The following AKR1B15 variants were observed in gnomAD, a reference collection of about 807,000 sequenced individuals.
The protein encoded by AKR1B15 is estradiol 17-beta-dehydrogenase AKR1B15.
Under a neutral mutation model 38.5 loss-of-function variants are expected in AKR1B15, and 49 were observed. The ratio of observed to expected loss-of-function variants is 1.27; its 90% CI spans 1.01 to 1.62. The LOEUF (loss-of-function observed/expected upper bound fraction) is 1.62. Ranked by LOEUF, AKR1B15 falls within the 40% of genes most tolerant of loss-of-function variation. The pLI is 0.00. For synonymous variants in AKR1B15, 137 were observed against 135.5 expected (o/e 1.01, Z -0.08); for missense variants, 411 against 381.6 (o/e 1.08, Z -0.64).
rs1395560821 is a variant in AKR1B15 at position 134,579,544 on chromosome 7, T to G, written c.1030T>G (p.Tyr344Asp). 6.3e-7 allele frequency: 1 copy of G among 1,599,436 alleles called. No homozygotes were observed. Among genetic ancestry groups the G allele is most frequent in the East Asian group, 2.2e-5 (1 of 44,680 alleles). ...GGAGGACTTTCCCTTCGATGCAGAATATTGAGGTTGAATCTCCTGGTGAGA... is the reference window on the plus strand; with the variant it reads ...GGAGGACTTTCCCTTCGATGCAGAAGATTGAGGTTGAATCTCCTGGTGAGA... ...HLEDFPFDAE[Y>D] is the part of the protein sequence containing the mutation. Residue 344 changes from tyrosine to aspartate, a missense_variant, in exon 12 of 12, where the codon TAT becomes GAT. By Grantham distance (160) the Tyr-to-Asp change is radical (BLOSUM62 -3). Around this residue, in one of 3 missense-constraint regions of AKR1B15, gnomAD observed 133 missense variants for 120.3 expected, o/e 1.11. Coordinates refer to ENST00000457545, the MANE Select transcript of AKR1B15 (RefSeq NM_001080538.3).
chr7:134,577,898 T>C (rs17167934), intron 11 of AKR1B15, 112 bp downstream of exon 11: 54,027 of 1,251,264 alleles, frequency 0.043, 1,714 homozygotes, highest in African/African-American at 0.15. Flanking sequence ...TCAAATACTA[T>C]TTTGGGGCAG....
intron 3 of AKR1B15, 54 bp from the exon 4 acceptor site, chr7:134,568,104 C>T (rs1794581073): frequency 6.2e-7 from 1 of 1,601,336 alleles, no homozygotes; most frequent in South Asian, 1.1e-5. Flanking sequence ...ATGGCAAGGT[C>T]TCATCTCTTA....
intron 7 of AKR1B15, 64 bp from the exon 8 acceptor site, chr7:134,575,757 C>G (rs1794755421): frequency 6.3e-7 from 1 of 1,597,724 alleles, no homozygotes; most frequent in South Asian, 1.1e-5. Flanking sequence ...GTGTGTAGAA[C>G]TCCCTAGGAA....
At chr7:134,569,080 C>T (rs141708706) in intron 4 of AKR1B15, among the ~76,000 whole-genome samples, 182 of 152,332 alleles carry the variant, frequency 1.2e-3, no homozygotes, top group Admixed American at 2.9e-3. Context: ...AAAAGCTACA[C>T]GCAATTCCTG....
intron 1 of AKR1B15, among the ~76,000 whole-genome samples, chr7:134,556,520 T>G (rs1167586620): frequency 6.6e-6 from 1 of 152,198 alleles, no homozygotes; most frequent in Non-Finnish European, 1.5e-5. Context: ...TTCAGGCTAC[T>G]TGTAGTGAGT....
At chr7:134,562,878 CTT>C (rs766843521) in intron 2 of AKR1B15, among the ~76,000 whole-genome samples, 1 of 135,072 alleles carries the variant, frequency 7.4e-6, no homozygotes, top group Non-Finnish European at 1.6e-5. Flanking sequence ...TTCTTTCTTT[CTT>C]TCTTTCTTTC....
rs375475867 is a variant in AKR1B15, at chr7:134,575,351, A to G, written c.514-69A>G. 2.3e-5 allele frequency: 36 copies of G among 1,560,842 alleles called. No homozygotes were observed. In the East Asian group the frequency reaches 3.2e-4, roughly 14 times the overall value. On this transcript the variant is annotated intron_variant, in intron 6 of 11. Coordinates refer to ENST00000457545, the MANE Select transcript of AKR1B15 (RefSeq NM_001080538.3). Reference sequence around the variant, plus strand: ...CCTTTAGCAATTTCTGCCCCAGGGAAGACTAAGGCAAGCCAGGGTCCCTGT... The same window carrying G: ...CCTTTAGCAATTTCTGCCCCAGGGAGGACTAAGGCAAGCCAGGGTCCCTGT...
chr7:134,572,704 T>G (rs1794691758), intron 6 of AKR1B15, among the ~76,000 whole-genome samples: 1 of 152,044 alleles, frequency 6.6e-6, no homozygotes, highest in African/African-American at 2.4e-5. Flanking sequence ...CCATGACCTG[T>G]TTCACATCAT....
At chr7:134,575,257 A>T (rs926720586) in intron 6 of AKR1B15, among the ~76,000 whole-genome samples, 163 bp from the exon 7 acceptor site, 1 of 152,110 alleles carries the variant, frequency 6.6e-6, no homozygotes, top group African/African-American at 2.4e-5. Flanking sequence ...GGAACCAATC[A>T]CTGATGGGCA....
At chr7:134,549,588 T>C (rs920914892) in intron 1 of AKR1B15, among the ~76,000 whole-genome samples, 1 of 152,076 alleles carries the variant, frequency 6.6e-6, no homozygotes, top group Non-Finnish European at 1.5e-5. Flanking sequence ...TGTGGTTCCG[T>C]GGTGACCTCA....
Position 134,560,137 on chromosome 7 carries a change from C to G in AKR1B15, c.-23+3278C>G, listed in dbSNP as rs114908395. Among the ~76,000 whole-genome samples, 718 of 152,062 alleles carry G rather than the reference C, an allele frequency of 4.7e-3. 5 individuals are homozygous for G. The highest frequency in any genetic ancestry group is 0.016 in the African/African-American group (668 of 41,480). ...AAAAAAAAAACTATTAGCGAAAATT[C>G]CTTGTAACAAATCCCCTCAAGAGGT... On this transcript the variant is annotated intron_variant, in intron 2 of 11. Transcript: ENST00000457545.
At chr7:134,565,999 G>A (rs924910257) in intron 3 of AKR1B15, among the ~76,000 whole-genome samples, 1 of 152,160 alleles carries the variant, frequency 6.6e-6, no homozygotes, top group African/African-American at 2.4e-5. Context: ...GAGCTTGTTA[G>A]ACATGCAGAA....
At chr7:134,553,207 G>A (rs566889688) in intron 1 of AKR1B15, among the ~76,000 whole-genome samples, 35 of 152,262 alleles carry the variant, frequency 2.3e-4, no homozygotes, top group Admixed American at 8.5e-4. Flanking sequence ...GGATATGGTC[G>A]CCTATAGATA....
intron 7 of AKR1B15, 25 bp downstream of exon 7, chr7:134,575,567 A>T (rs550698469): frequency 6.2e-7 from 1 of 1,613,320 alleles, no homozygotes; most frequent in African/African-American, 1.3e-5. Flanking sequence ...GTTTAAGGGT[A>T]AGGGTCCTGC....
intron 1 of AKR1B15, among the ~76,000 whole-genome samples, chr7:134,553,945 C>T (rs549204259): frequency 6.6e-6 from 1 of 152,288 alleles, no homozygotes; most frequent in South Asian, 2.1e-4. Context: ...CCGGCAGGTA[C>T]CTTGGCACAG....
At position 134,568,261 on chromosome 7, in the gene AKR1B15, A is replaced by G. The variant is rs766128986; in HGVS notation, c.254A>G (p.Glu85Gly). ...YFYENQHEVG[E>G]AIQEKIQEKA... Reference sequence around the variant, plus strand: ...TATGAGAATCAACATGAGGTGGGAGAAGCCATCCAAGAGAAGATCCAAGAG... The same window carrying G: ...TATGAGAATCAACATGAGGTGGGAGGAGCCATCCAAGAGAAGATCCAAGAG... Residue 85 changes from glutamate (E) to glycine (G), a missense_variant, in exon 4 of 12, where the codon GAA (glutamate) becomes GGA (glycine). Physicochemically the swap from Glu to Gly is moderately conservative, Grantham distance 98 (BLOSUM62 -2). Transcript: ENST00000457545. 2.4e-5 allele frequency: 38 copies of G among 1,614,090 alleles called. No homozygotes were observed. Among genetic ancestry groups the G allele is most frequent in the Non-Finnish European group, 3.1e-5 (37 of 1,179,992 alleles).
intron 2 of AKR1B15, among the ~76,000 whole-genome samples, chr7:134,560,903 A>G (rs1232790595): frequency 2.0e-5 from 3 of 152,206 alleles, no homozygotes; most frequent in Non-Finnish European, 4.4e-5. Context: ...TGATCTTTGG[A>G]GCCAAGGCTA....
rs1794493296 is a variant in AKR1B15 at position 134,564,702 on chromosome 7, C to T, written c.83C>T (p.Thr28Ile). The T allele has an allele frequency of 1.4e-6, 1 of 698,902 alleles. No homozygotes were observed. The highest frequency in any genetic ancestry group is 2.6e-6 in the Non-Finnish European group (1 of 383,868). 43.3% of individuals were successfully genotyped at this position (698,902 alleles called of 1,614,324 possible). The change falls in exon 3 of 12, where the codon ACT (threonine) becomes ATT (isoleucine). Residue 28 changes from threonine (T) to isoleucine (I), a missense_variant. Coordinates refer to ENST00000457545, the MANE Select transcript of AKR1B15 (RefSeq NM_001080538.3). Reference protein sequence around the residue: ...GPLDQPVGPLTGLKSSLLKDT... With the variant: ...GPLDQPVGPLIGLKSSLLKDT... The stretch of plus-strand genomic sequence containing the variant: ...CTGGACCAACCCGTTGGCCCTTTGA[C>T]TGGCCTAAAGAGTTCCCTTCTGAAG...
chr7:134,562,991 C>T (rs1562947198), intron 2 of AKR1B15, among the ~76,000 whole-genome samples: 1 of 150,442 alleles, frequency 6.6e-6, no homozygotes, highest in Non-Finnish European at 1.5e-5. Context: ...TTACTCTTCC[C>T]TCATTCCTTC....
Sources: allele counts gnomAD v4.1 joint callset (sites outside exome capture counted in the v4.1 genomes callset), GRCh38; gene constraint gnomAD v4.1.1; regional missense constraint gnomAD v4.1.1; transcripts MANE v1.5; gene names NCBI Gene and HGNC (gene_info 2026-07-23, HGNC 2026-07-21).